The following GRIA4 variants were observed in gnomAD, a reference collection of about 807,000 sequenced individuals.
GRIA4 encodes glutamate receptor 4.
GRIA4 carries 34 observed loss-of-function variants against 104.0 expected under a neutral mutation model. The ratio of observed to expected loss-of-function variants is 0.33; its 90% CI spans 0.25 to 0.44. The LOEUF (loss-of-function observed/expected upper bound fraction) is 0.44, where lower values mean the gene tolerates loss of function less well. Among genes scored for constraint, GRIA4 ranks in the 20% least tolerant of loss-of-function variants. GRIA4 has a pLI of 1.00. For synonymous variants in GRIA4, 386 were observed against 381.9 expected, an observed-to-expected ratio of 1.01 and a Z score of -0.13; for missense variants, 750 against 1,096.5, an observed-to-expected ratio of 0.68 and a Z score of 4.46.
At chr11:105,741,622 A>C (rs1939312401) in intron 3 of GRIA4, among the ~76,000 whole-genome samples, 1 of 152,260 alleles carries the variant, frequency 6.6e-6, no homozygotes, top group South Asian at 2.1e-4. Flanking sequence ...AAGTTCTAGA[A>C]ATCAACTCCT....
intron 13 of GRIA4, among the ~76,000 whole-genome samples, chr11:105,928,080 G>A (rs1230933986): frequency 6.6e-6 from 1 of 151,888 alleles, no homozygotes; most frequent in African/African-American, 2.4e-5. Context: ...ACAACAAAAT[G>A]TGCTACTCCT....
chr11:105,912,055 A>G (rs903038836), intron 10 of GRIA4: 1 of 1,133,862 alleles, frequency 8.8e-7, no homozygotes, highest in African/African-American at 1.6e-5. Flanking sequence ...AAAAATTTTA[A>G]GTTCTGTGAC....
chr11:105,915,359 C>T (rs1252838653), intron 10 of GRIA4, among the ~76,000 whole-genome samples: 2 of 152,056 alleles, frequency 1.3e-5, no homozygotes, highest in Non-Finnish European at 2.9e-5. Flanking sequence ...AGCAGGAAAA[C>T]AATGACCTGA....
At chr11:105,937,641 A>G (rs1948080161) in intron 14 of GRIA4, among the ~76,000 whole-genome samples, 1 of 152,168 alleles carries the variant, frequency 6.6e-6, no homozygotes, top group South Asian at 2.1e-4. Context: ...GTTTGAAGCC[A>G]AGTTAAAAAC....
chr11:105,683,476 C>T (rs10895857), intron 3 of GRIA4, among the ~76,000 whole-genome samples: 66,422 of 151,728 alleles, frequency 0.44, 14,637 homozygotes, highest in East Asian at 0.57. Flanking sequence ...TAGAGGAATG[C>T]TTTTTTCAGT....
chr11:105,645,012 TC>T (rs1163674890), intron 3 of GRIA4, among the ~76,000 whole-genome samples: 1 of 152,074 alleles, frequency 6.6e-6, no homozygotes, highest in Non-Finnish European at 1.5e-5. Flanking sequence ...AACTTCCAGC[TC>T]TTGACCTCCA....
At chr11:105,885,053 A>T (rs1332153595) in intron 5 of GRIA4, among the ~76,000 whole-genome samples, 4 of 152,180 alleles carry the variant, frequency 2.6e-5, no homozygotes, top group African/African-American at 7.2e-5. Context: ...TCAGCAAGAG[A>T]TAAATAACGG....
chr11:105,724,274 A>G (rs903631166), intron 3 of GRIA4, among the ~76,000 whole-genome samples: 1 of 152,054 alleles, frequency 6.6e-6, no homozygotes, highest in African/African-American at 2.4e-5. Context: ...TAGGGACAGA[A>G]TCAATAACCT....
At chr11:105,717,798 G>T (rs1484962130) in intron 3 of GRIA4, among the ~76,000 whole-genome samples, 1 of 150,926 alleles carries the variant, frequency 6.6e-6, no homozygotes, top group Non-Finnish European at 1.5e-5. Context: ...TGTCATGCTG[G>T]TGCGCTGCAC....
chr11:105,697,474 T>G (rs80091354), intron 3 of GRIA4, among the ~76,000 whole-genome samples: 1 of 152,134 alleles, frequency 6.6e-6, no homozygotes, highest in African/African-American at 2.4e-5. Context: ...GACATGACTG[T>G]GAAAGATGGG....
intron 9 of GRIA4, among the ~76,000 whole-genome samples, chr11:105,910,126 G>A (rs4754138): frequency 6.6e-6 from 1 of 151,998 alleles, no homozygotes; most frequent in Non-Finnish European, 1.5e-5. Context: ...CTAGAGGAGG[G>A]GATCTGCATA....
chr11:105,747,992 A>G (rs920641026), intron 3 of GRIA4, among the ~76,000 whole-genome samples: 4 of 152,170 alleles, frequency 2.6e-5, no homozygotes, highest in Non-Finnish European at 4.4e-5. Flanking sequence ...GGGTAGGCAC[A>G]CTCCTTAATA....
At chr11:105,726,845 A>C (rs1443865570) in intron 3 of GRIA4, among the ~76,000 whole-genome samples, 6 of 152,138 alleles carry the variant, frequency 3.9e-5, no homozygotes, top group Non-Finnish European at 8.8e-5. Context: ...TCAACATTAA[A>C]AAAAAGGACA....
At chr11:105,711,736 A>T (rs941951681) in intron 3 of GRIA4, among the ~76,000 whole-genome samples, 9 of 152,160 alleles carry the variant, frequency 5.9e-5, no homozygotes, top group African/African-American at 2.2e-4. Context: ...CATGTCCAAG[A>T]CATTATAAGT....
chr11:105,946,539 T>A (rs1948318306), intron 14 of GRIA4, among the ~76,000 whole-genome samples: 1 of 152,072 alleles, frequency 6.6e-6, no homozygotes, highest in African/African-American at 2.4e-5. Flanking sequence ...TGAGTTGTGA[T>A]CATGCCACTG....
At chr11:105,625,587 A>C (rs540270149) in intron 3 of GRIA4, among the ~76,000 whole-genome samples, 1 of 152,280 alleles carries the variant, frequency 6.6e-6, no homozygotes, top group African/African-American at 2.4e-5. Flanking sequence ...AACTTAAATT[A>C]ACTCACACAA....
chr11:105,730,094 CTGTT>C lies in GRIA4; in HGVS notation c.248-22884_248-22881del, dbSNP rs529883017. Among the ~76,000 whole-genome samples the C allele has an allele frequency of 5.9e-5, 9 of 152,314 alleles. No homozygotes were observed. The South Asian group carries it at 1.9e-3, about 32-fold the overall frequency. ...AGGAAGAGAGGAAGTCAATTCATCT[CTGTT>C]TGCAGATGACATGATTGTATATTTA... On this transcript the variant is annotated intron_variant, in intron 3 of 16. Coordinates refer to ENST00000282499, the MANE Select transcript of GRIA4 (RefSeq NM_000829.4).
intron 10 of GRIA4, among the ~76,000 whole-genome samples, chr11:105,917,815 GGTGTGTGTGT>G (rs147308478): frequency 1.4e-4 from 20 of 142,780 alleles, no homozygotes; most frequent in Middle Eastern, 3.5e-3. Context: ...TTGGTTTAAG[GGTGTGTGTGT>G]GTGTGTGTGT....
intron 4 of GRIA4, among the ~76,000 whole-genome samples, chr11:105,765,369 TCAA>T (rs1210471158): frequency 6.6e-6 from 1 of 152,204 alleles, no homozygotes; most frequent in Non-Finnish European, 1.5e-5. Context: ...TAGAATTGCA[TCAA>T]CAACAATAGC....
Sources: gnomAD v4.1 joint callset for allele counts (sites outside exome capture counted in the v4.1 genomes callset) on GRCh38, gnomAD v4.1.1 for gene constraint, MANE v1.5 for transcripts, NCBI Gene and HGNC (gene_info 2026-07-23, HGNC 2026-07-21) for gene names.